JAZF1: variants seen among roughly 807,000 people sequenced by gnomAD.
JAZF1 encodes JAZF zinc finger 1.
Under a neutral mutation model 26.4 loss-of-function variants are expected in JAZF1, and 8 were observed. That is an observed-to-expected ratio of 0.30 (90% CI 0.18 to 0.55). JAZF1 has a LOEUF of 0.55. Among genes scored for constraint, JAZF1 ranks in the 20% least tolerant of loss-of-function variants. The pLI is 0.94. For synonymous variants in JAZF1, 126 were observed against 122.3 expected (o/e 1.03, Z -0.20); for missense variants, 199 against 322.0 (o/e 0.62, Z 2.92).
At chr7:27,860,761 A>G (rs1783365967) in intron 3 of JAZF1, among the ~76,000 whole-genome samples, 2 of 152,306 alleles carry the variant, frequency 1.3e-5, no homozygotes, top group South Asian at 4.1e-4. Context: ...ACTGCACTGC[A>G]TACTTGAATC....
At chr7:27,930,018 C>T (rs576731032) in intron 2 of JAZF1, among the ~76,000 whole-genome samples, 4 of 150,568 alleles carry the variant, frequency 2.7e-5, no homozygotes, top group South Asian at 2.1e-4. Flanking sequence ...CTTTTTGAGA[C>T]GGAGTCTTGC....
chr7:27,886,922 A>G (rs1783877019), intron 3 of JAZF1, among the ~76,000 whole-genome samples: 1 of 152,236 alleles, frequency 6.6e-6, no homozygotes, highest in Admixed American at 6.5e-5. Context: ...ATGCAGCCAT[A>G]AAAAAGAATG....
chr7:28,025,840 G>A lies in JAZF1; in HGVS notation c.116-33859C>T, dbSNP rs553909365. Among the ~76,000 whole-genome samples, 13 of 152,268 alleles carry A rather than the reference G, an allele frequency of 8.5e-5. No individual in the cohort carries two copies. In the East Asian group the frequency reaches 1.4e-3, roughly 16 times the overall value. On this transcript the variant is annotated intron_variant, in intron 1 of 4. Transcript: ENST00000283928. ...CTTACAGGTTCATGAGAGCTAGGGCGGAGCTGGGGTTACTCTAGCCAAATG... is the reference window on the plus strand; with the variant it reads ...CTTACAGGTTCATGAGAGCTAGGGCAGAGCTGGGGTTACTCTAGCCAAATG...
At chr7:27,836,104 A>G (rs1030303120) in intron 4 of JAZF1, among the ~76,000 whole-genome samples, 1 of 152,204 alleles carries the variant, frequency 6.6e-6, no homozygotes, top group African/African-American at 2.4e-5. Flanking sequence ...TCCATAGTCC[A>G]TATTTCCTCA....
chr7:27,903,167 TG>T (rs1753304223), intron 2 of JAZF1, among the ~76,000 whole-genome samples: 1 of 152,190 alleles, frequency 6.6e-6, no homozygotes, highest in Non-Finnish European at 1.5e-5. Flanking sequence ...TGAGTTTTGC[TG>T]ATTCTGAAAG....
chr7:27,906,157 T>C (rs1784253031), intron 2 of JAZF1, among the ~76,000 whole-genome samples: 1 of 152,144 alleles, frequency 6.6e-6, no homozygotes, highest in Non-Finnish European at 1.5e-5. Context: ...GGCACTCAAA[T>C]CCAGTAGCTT....
chr7:28,068,567 A>C (rs187608265), intron 1 of JAZF1, among the ~76,000 whole-genome samples: 6 of 152,312 alleles, frequency 3.9e-5, no homozygotes, highest in African/African-American at 1.2e-4. Context: ...GACAAATTAA[A>C]ATTTTAATCA....
intron 3 of JAZF1, among the ~76,000 whole-genome samples, chr7:27,886,316 C>T (rs1783861787): frequency 6.6e-6 from 1 of 152,196 alleles, no homozygotes; most frequent in African/African-American, 2.4e-5. Context: ...ACTCTTAGCA[C>T]TTTACTTCTG....
At chr7:27,914,372 G>T (rs1784410343) in intron 2 of JAZF1, among the ~76,000 whole-genome samples, 2 of 152,152 alleles carry the variant, frequency 1.3e-5, no homozygotes, top group Admixed American at 1.3e-4. Flanking sequence ...CAACTGTGGG[G>T]AGTATGTTAT....
chr7:28,063,351 G>A (rs1390688643), intron 1 of JAZF1, among the ~76,000 whole-genome samples: 1 of 152,120 alleles, frequency 6.6e-6, no homozygotes, highest in African/African-American at 2.4e-5. Context: ...CCCAGTATTG[G>A]ACAGACTGTA....
chr7:27,880,217 C>T (rs1257701165), intron 3 of JAZF1, among the ~76,000 whole-genome samples: 1 of 152,126 alleles, frequency 6.6e-6, no homozygotes, highest in Non-Finnish European at 1.5e-5. Context: ...GCAAAACTTC[C>T]ATTTTTGACG....
intron 2 of JAZF1, among the ~76,000 whole-genome samples, chr7:27,926,305 A>G (rs952580990): frequency 2.0e-5 from 3 of 152,220 alleles, no homozygotes; most frequent in Non-Finnish European, 4.4e-5. Context: ...CAAACCCCCC[A>G]AATAGCAGCT....
chr7:27,894,585 G>C (rs1467330084), intron 3 of JAZF1, among the ~76,000 whole-genome samples: 2 of 152,220 alleles, frequency 1.3e-5, no homozygotes, highest in Admixed American at 1.3e-4. Context: ...GTGTGTCAGG[G>C]AGACTGACGG....
chr7:28,122,794 G>A (rs566462775), intron 1 of JAZF1, among the ~76,000 whole-genome samples: 4 of 152,222 alleles, frequency 2.6e-5, no homozygotes, highest in South Asian at 4.1e-4. Flanking sequence ...GTTATAGGGA[G>A]ATACATCCCA....
intron 1 of JAZF1, among the ~76,000 whole-genome samples, chr7:28,159,866 T>A (rs972437198): frequency 2.0e-5 from 3 of 152,198 alleles, no homozygotes; most frequent in Non-Finnish European, 4.4e-5. Flanking sequence ...AACAATTTTT[T>A]AAAATATTCA....
chr7:28,138,855 T>C (rs573739772), intron 1 of JAZF1, among the ~76,000 whole-genome samples: 1 of 152,276 alleles, frequency 6.6e-6, no homozygotes, highest in East Asian at 1.9e-4. Context: ...TACATATTTA[T>C]AAAATAGAGG....
intron 1 of JAZF1, among the ~76,000 whole-genome samples, chr7:28,118,376 G>A (rs376360640): frequency 6.6e-6 from 1 of 152,108 alleles, no homozygotes; most frequent in African/African-American, 2.4e-5. Flanking sequence ...TTAGCCGGGC[G>A]TGGTGGTGGG....
intron 1 of JAZF1, among the ~76,000 whole-genome samples, chr7:28,014,824 A>C (rs1782857856): frequency 6.6e-6 from 1 of 152,204 alleles, no homozygotes; most frequent in Admixed American, 6.5e-5. Flanking sequence ...GAACAGAAGT[A>C]AACAGGAAAC....
intron 2 of JAZF1, among the ~76,000 whole-genome samples, chr7:27,922,436 A>C (rs1784544922): frequency 6.6e-6 from 1 of 151,986 alleles, no homozygotes; most frequent in African/African-American, 2.4e-5. Context: ...TTTAGTAGAG[A>C]CGGGGTTTCA....
Sources: gnomAD v4.1 joint callset for allele counts (sites outside exome capture counted in the v4.1 genomes callset) on GRCh38, gnomAD v4.1.1 for gene constraint, MANE v1.5 for transcripts, NCBI Gene and HGNC (gene_info 2026-07-23, HGNC 2026-07-21) for gene names.